The following PDE4B variants were observed in gnomAD, a reference collection of about 807,000 sequenced individuals.
PDE4B encodes the protein phosphodiesterase 4B.
In PDE4B, 20 loss-of-function variants were observed where a neutral mutation model predicts 82.2. That is an observed-to-expected ratio of 0.24 (90% CI 0.17 to 0.35). PDE4B has a LOEUF of 0.35. PDE4B is among the 10% of genes least tolerant of loss of function. PDE4B has a pLI of 1.00. For synonymous variants in PDE4B, 320 were observed against 318.9 expected (o/e 1.00, Z -0.04); for missense variants, 655 against 907.2 (o/e 0.72, Z 3.57).
chr1:65,896,699 A>C (rs1487175670), intron 1 of PDE4B, among the ~76,000 whole-genome samples: 2 of 152,188 alleles, frequency 1.3e-5, no homozygotes, highest in Non-Finnish European at 2.9e-5. Flanking sequence ...ATTCATGATT[A>C]TATATAGTCT....
chr1:66,274,464 C>G (rs545569522), intron 7 of PDE4B, among the ~76,000 whole-genome samples: 1 of 151,986 alleles, frequency 6.6e-6, no homozygotes, highest in African/African-American at 2.4e-5. Context: ...TGAGCCACTG[C>G]GCCCAGCTGA....
intron 3 of PDE4B, among the ~76,000 whole-genome samples, chr1:66,217,221 G>C (rs1650532415): frequency 6.6e-6 from 1 of 152,032 alleles, no homozygotes; most frequent in Non-Finnish European, 1.5e-5. Context: ...GTTTACCCCA[G>C]CATTGTAGCT....
At chr1:66,214,630 AT>A (rs34312124) in intron 3 of PDE4B, among the ~76,000 whole-genome samples, 1 of 152,096 alleles carries the variant, frequency 6.6e-6, no homozygotes, top group Admixed American at 6.6e-5. Context: ...ATTTATTTTT[AT>A]TTTTTTAACA....
intron 3 of PDE4B, among the ~76,000 whole-genome samples, chr1:66,207,621 A>G (rs1020065372): frequency 1.3e-5 from 2 of 152,198 alleles, no homozygotes. Flanking sequence ...ACTGGGAAAC[A>G]TAGTCTGTTT....
intron 7 of PDE4B, among the ~76,000 whole-genome samples, chr1:66,275,949 G>A (rs1411950363): frequency 5.3e-5 from 8 of 152,162 alleles, no homozygotes. Context: ...GTCTGGCTGT[G>A]TCCACAGAGT....
intron 3 of PDE4B, among the ~76,000 whole-genome samples, chr1:65,952,995 C>T (rs1035005400): frequency 6.6e-6 from 1 of 152,092 alleles, no homozygotes. Context: ...CTCAGGCCAC[C>T]TCCACCGGGC....
At chr1:66,128,596 C>T (rs1293982271) in intron 3 of PDE4B, among the ~76,000 whole-genome samples, 1 of 148,266 alleles carries the variant, frequency 6.7e-6, no homozygotes, top group Non-Finnish European at 1.5e-5. Flanking sequence ...TTGGACATAA[C>T]TTCTTCTTCT....
intron 6 of PDE4B, among the ~76,000 whole-genome samples, chr1:66,264,852 G>A (rs1654922065): frequency 6.6e-6 from 1 of 152,214 alleles, no homozygotes; most frequent in Non-Finnish European, 1.5e-5. Context: ...GCTTGCCTGT[G>A]CAAGAGAATG....
chr1:66,262,660 A>G (rs1654770540), intron 6 of PDE4B, among the ~76,000 whole-genome samples: 1 of 152,208 alleles, frequency 6.6e-6, no homozygotes, highest in African/African-American at 2.4e-5. Flanking sequence ...CATGCCCTAC[A>G]AGCAATCATG....
intron 7 of PDE4B, among the ~76,000 whole-genome samples, chr1:66,302,596 T>A (rs1557688630): frequency 2.6e-5 from 4 of 152,150 alleles, no homozygotes; most frequent in African/African-American, 7.2e-5. Flanking sequence ...TACTACAAAG[T>A]CCTGCAAGGG....
At chr1:66,178,263 C>T (rs1646977386) in intron 3 of PDE4B, among the ~76,000 whole-genome samples, 1 of 152,004 alleles carries the variant, frequency 6.6e-6, no homozygotes, top group African/African-American at 2.4e-5. Context: ...CTTATACCCA[C>T]TACTTTATTC....
chr1:66,343,968 C>A (rs1486612843), intron 8 of PDE4B, among the ~76,000 whole-genome samples: 1 of 152,050 alleles, frequency 6.6e-6, no homozygotes, highest in African/African-American at 2.4e-5. Context: ...AAGCTAGGGA[C>A]CTTCTAATGG....
At chr1:66,187,359 G>A (rs1647275537) in intron 3 of PDE4B, among the ~76,000 whole-genome samples, 1 of 152,016 alleles carries the variant, frequency 6.6e-6, no homozygotes, top group Non-Finnish European at 1.5e-5. Context: ...AAATGCATTA[G>A]GGAGGATTCC....
chr1:66,058,817 GC>G (rs1200135993), intron 3 of PDE4B, among the ~76,000 whole-genome samples: 1 of 152,252 alleles, frequency 6.6e-6, no homozygotes, highest in Non-Finnish European at 1.5e-5. Context: ...GGGAGGGGCT[GC>G]CATGAAGATC....
At chr1:66,133,582 G>A (rs990875956) in intron 3 of PDE4B, among the ~76,000 whole-genome samples, 1 of 152,152 alleles carries the variant, frequency 6.6e-6, no homozygotes, top group African/African-American at 2.4e-5. Context: ...GAGTCATTGA[G>A]CCTACAGGCT....
intron 3 of PDE4B, among the ~76,000 whole-genome samples, chr1:65,980,082 G>C (rs1650607413): frequency 6.6e-6 from 1 of 152,124 alleles, no homozygotes. Context: ...GTGAGTGTGA[G>C]TCGCCATGAG....
At chr1:65,839,120 C>T (rs1557772726) in intron 1 of PDE4B, among the ~76,000 whole-genome samples, 5 of 151,918 alleles carry the variant, frequency 3.3e-5, no homozygotes, top group Non-Finnish European at 7.4e-5. Flanking sequence ...AAGCTATAAA[C>T]TTAAGTTATG....
intron 8 of PDE4B, among the ~76,000 whole-genome samples, chr1:66,350,320 G>A (rs748320203): frequency 6.6e-6 from 1 of 152,228 alleles, no homozygotes; most frequent in Admixed American, 6.5e-5. Context: ...GGGCTCCTGC[G>A]TAGACGGCCA....
chr1:66,284,951 G>T (rs1349072956), intron 7 of PDE4B, among the ~76,000 whole-genome samples: 2 of 152,200 alleles, frequency 1.3e-5, no homozygotes, highest in Admixed American at 6.5e-5. Context: ...ACAGGAAGCA[G>T]ATTCAGGCTT....
Sources: gnomAD v4.1 joint callset for allele counts (sites outside exome capture counted in the v4.1 genomes callset) on GRCh38, gnomAD v4.1.1 for gene constraint, MANE v1.5 for transcripts, NCBI Gene and HGNC (gene_info 2026-07-23, HGNC 2026-07-21) for gene names.